The following CACNA1G variants were observed in gnomAD, a reference collection of about 807,000 sequenced individuals.
CACNA1G encodes voltage-dependent T-type calcium channel subunit alpha-1G.
In CACNA1G, 67 loss-of-function variants were observed where a neutral mutation model predicts 219.4. The ratio of observed to expected loss-of-function variants is 0.31; its 90% confidence interval spans 0.25 to 0.37. CACNA1G has a LOEUF of 0.37. Among genes scored for constraint, CACNA1G ranks in the 10% least tolerant of loss-of-function variants. CACNA1G has a pLI of 1.00. For missense variants in CACNA1G, 2,380 were observed against 3,231.4 expected (o/e 0.74, Z 6.39); for synonymous variants, 1,296 against 1,345.3 (o/e 0.96, Z 0.80).
At chr17:50,567,635 A>C (rs1338476519) in intron 1 of CACNA1G, among the ~76,000 whole-genome samples, 2 of 151,948 alleles carry the variant, frequency 1.3e-5, no homozygotes, top group African/African-American at 4.8e-5. Flanking sequence ...CCCCATCCCC[A>C]TTCCCCAGGG....
chr17:50,607,024 T>C (rs757221477), intron 24 of CACNA1G, 35 bp downstream of exon 24: 8 of 1,496,716 alleles, frequency 5.3e-6, no homozygotes, highest in African/African-American at 1.4e-5. Flanking sequence ...ATCTGTGGGC[T>C]CAGGTCACTC....
chr17:50,574,589 C>T (rs1227681220), intron 7 of CACNA1G, among the ~76,000 whole-genome samples: 1 of 152,190 alleles, frequency 6.6e-6, no homozygotes, highest in Non-Finnish European at 1.5e-5. Flanking sequence ...CTCCCTTTCC[C>T]TCCTGGGCTT....
At chr17:50,622,681 G>A (rs2052460338) in intron 35 of CACNA1G, among the ~76,000 whole-genome samples, 1 of 152,224 alleles carries the variant, frequency 6.6e-6, no homozygotes, top group Non-Finnish European at 1.5e-5. Context: ...TCAGGGGGAA[G>A]GGGGTCACAG....
intron 9 of CACNA1G, among the ~76,000 whole-genome samples, chr17:50,579,517 C>T (rs964616419): frequency 6.6e-6 from 1 of 152,118 alleles, no homozygotes; most frequent in African/African-American, 2.4e-5. Flanking sequence ...TTCCAGAAGT[C>T]GCTCCCCCTC....
At chr17:50,608,975 G>C (rs947183368) in intron 25 of CACNA1G, among the ~76,000 whole-genome samples, 1 of 152,170 alleles carries the variant, frequency 6.6e-6, no homozygotes, top group Non-Finnish European at 1.5e-5. Flanking sequence ...CTAAGCCTTT[G>C]TGTGTCTGTC....
intron 24 of CACNA1G, chr17:50,607,234 T>C (rs2048145295): frequency 3.8e-6 from 2 of 528,000 alleles, no homozygotes; most frequent in East Asian, 7.5e-5. Context: ...CTGTGTGCAG[T>C]GGCTCACACC....
Position 50,578,863 on chromosome 17 carries a change from T to C in CACNA1G, c.2301+299T>C, listed in dbSNP as rs1188258245. On this transcript the variant is annotated intron_variant, in intron 9 of 37. Transcript: ENST00000359106. The surrounding 1 kb of genome is among the most constrained non-coding windows in gnomAD (Gnocchi z 4.5). ...TGTGAACAAGTGGTGAGCATCAGCA[T>C]GTGGGGAGAGGCGCGTCACTGGGAG... is the stretch of plus-strand genomic sequence containing the variant. Among the ~76,000 whole-genome samples, 1 of 152,108 alleles carries C rather than the reference T, an allele frequency of 6.6e-6. No individual in the cohort carries two copies. Among genetic ancestry groups the C allele is most frequent in the African/African-American group, 2.4e-5 (1 of 41,412 alleles).
intron 19 of CACNA1G, 84 bp downstream of exon 19, chr17:50,601,258 G>T: frequency 1.3e-6 from 2 of 1,530,758 alleles, no homozygotes; most frequent in East Asian, 2.3e-5. Flanking sequence ...GGCCACAGTT[G>T]CTGACCTGCA....
rs2053759428 is a variant in CACNA1G at position 50,626,172 on chromosome 17, C to G, written c.6555C>G (p.Ser2185Arg). 3.1e-6 allele frequency: 5 copies of G among 1,613,932 alleles called. No homozygotes were observed. In the East Asian group the frequency reaches 1.1e-4, roughly 36 times the overall value. ...CACAGCAGCACTCCCGCAGCCACAGCAAGATCTCCAAGCACATGACCCCGC... is the reference window on the plus strand; with the variant it reads ...CACAGCAGCACTCCCGCAGCCACAGGAAGATCTCCAAGCACATGACCCCGC... ...TQAQQHSRSH[S>R]KISKHMTPPA... Residue 2185 changes from serine to arginine, a missense_variant, in exon 38 of 38, where the codon AGC becomes AGG. Coordinates refer to ENST00000359106, the MANE Select transcript of CACNA1G (RefSeq NM_018896.5). The surrounding 1 kb of genome is among the most constrained non-coding windows in gnomAD (Gnocchi z 4.3).
intron 4 of CACNA1G, among the ~76,000 whole-genome samples, chr17:50,570,435 A>G (rs1435791254): frequency 6.6e-6 from 1 of 151,950 alleles, no homozygotes; most frequent in Non-Finnish European, 1.5e-5. Flanking sequence ...CAACTCCCCA[A>G]CCTACACAAG....
At chr17:50,601,311 G>T (rs2046583027) in intron 19 of CACNA1G, 137 bp downstream of exon 19, 1 of 1,069,078 alleles carries the variant, frequency 9.4e-7, no homozygotes, top group Admixed American at 2.6e-5. Flanking sequence ...TCTCCTTTAG[G>T]TCTCTCACCA....
intron 9 of CACNA1G, among the ~76,000 whole-genome samples, chr17:50,579,463 T>C (rs1009690044): frequency 6.6e-6 from 1 of 152,104 alleles, no homozygotes; most frequent in African/African-American, 2.4e-5. Context: ...GCAGGCACCA[T>C]GGGTCCTCAC....
In CACNA1G at chr17:50,605,182, G is replaced by A. The variant is rs4794169; in HGVS notation, c.4297-716G>A. 4.1e-3 allele frequency among the ~76,000 whole-genome samples: 631 copies of A among 152,220 alleles called. 13 individuals are homozygous for A. Among genetic ancestry groups the A allele is most frequent in the Admixed American group, 0.029 (451 of 15,296 alleles). On this transcript the variant is annotated intron_variant, in intron 22 of 37. Coordinates refer to ENST00000359106, the MANE Select transcript of CACNA1G (RefSeq NM_018896.5). ...AAGCATTGTTGAGCCCAGTCCTTCC[G>A]GTGGATTTAGGTCTGTTTTGAGCAG...
rs749251748 is a variant in CACNA1G at position 50,621,709 on chromosome 17, C to T, written c.5975C>T (p.Ser1992Phe). 5 of 1,613,840 alleles carry T rather than the reference C, an allele frequency of 3.1e-6. No individual in the cohort carries two copies. Among genetic ancestry groups the T allele is most frequent in the East Asian group, 2.2e-5 (1 of 44,886 alleles). Residue 1992 changes from serine to phenylalanine, a missense_variant, in exon 35 of 38, where the codon TCT (serine) becomes TTT (phenylalanine). By Grantham distance (155) the Ser-to-Phe change is radical (BLOSUM62 -2). Coordinates refer to ENST00000359106, the MANE Select transcript of CACNA1G (RefSeq NM_018896.5). This position sits in a 1 kb window ranked among gnomAD's most constrained non-coding sequence, Gnocchi z 4.6. ...EALSLTSEIV[S>F]EPSCSLALTD... ...CTGTCTCTGACGTCAGAGATTGTGT[C>T]TGAACCGTCCTGCTCTCTAGCTCTG...
chr17:50,624,809 C>G (rs991503101), intron 37 of CACNA1G, among the ~76,000 whole-genome samples: 7 of 152,194 alleles, frequency 4.6e-5, no homozygotes, highest in Non-Finnish European at 1.0e-4. Context: ...GAGGTAGAAC[C>G]CCAGTCTCTG....
intron 27 of CACNA1G, 29 bp downstream of exon 27, chr17:50,615,541 C>A (rs1439184625): frequency 6.2e-7 from 1 of 1,604,230 alleles, no homozygotes; most frequent in South Asian, 1.1e-5. Flanking sequence ...GCCATCTGGC[C>A]CCCCCACCTC....
rs1458052241 is a variant in CACNA1G at position 50,591,438 on chromosome 17, G to A, written c.2457G>A (p.Val819=). 1.3e-6 allele frequency: 2 copies of A among 1,569,930 alleles called. No individual in the cohort carries two copies. Among genetic ancestry groups the A allele is most frequent in the Non-Finnish European group, 1.7e-6 (2 of 1,160,366 alleles). The part of the protein sequence containing the change: ...IFDGVIVVIS[V]WEIVGQQGGG... ...AGGCTGCCTGCCCCCTTTGCAGCGT[G>A]TGGGAGATCGTGGGCCAGCAGGGGG... The change falls in exon 11 of 38, where the codon GTG becomes GTA. Residue 819 remains valine, a synonymous_variant. Transcript: ENST00000359106.
At chr17:50,584,738 C>T (rs2145238516) in intron 9 of CACNA1G, among the ~76,000 whole-genome samples, 1 of 142,892 alleles carries the variant, frequency 7.0e-6, no homozygotes, top group South Asian at 2.1e-4. Context: ...GGAGGAGGGA[C>T]GTGGAGCCCC....
rs778481197 is a variant in CACNA1G, at chr17:50,599,552, G to C, written c.3383G>C (p.Arg1128Pro). 5 of 1,612,590 alleles carry C rather than the reference G, an allele frequency of 3.1e-6. No individual in the cohort carries two copies. The highest frequency in any genetic ancestry group is 4.2e-6 in the Non-Finnish European group (5 of 1,179,412). The change falls in exon 17 of 38, where the codon CGG becomes CCG. Residue 1128 changes from arginine to proline, a missense_variant. Physicochemically the swap from Arg to Pro is moderately radical, Grantham distance 103. This residue lies in a region of CACNA1G where 418 missense variants were observed against 434.3 expected (regional missense o/e 0.96). Coordinates refer to ENST00000359106, the MANE Select transcript of CACNA1G (RefSeq NM_018896.5). ...AAGCGGAGAAGCCCAAGTGGAGAGC[G>C]GCGGTCCCTGTTGTCGGGAGAAGGC... ...SLKRRSPSGE[R>P]RSLLSGEGQE...
Sources: gnomAD v4.1 joint callset for allele counts (sites outside exome capture counted in the v4.1 genomes callset) on GRCh38, gnomAD v4.1.1 for gene constraint, gnomAD v4.1.1 regional missense constraint, Gnocchi (gnomAD v3.1) non-coding constraint, MANE v1.5 for transcripts, NCBI Gene and HGNC (gene_info 2026-07-23, HGNC 2026-07-21) for gene names.